The following ADCY9 variants were observed in gnomAD, a reference collection of about 807,000 sequenced individuals.
ADCY9 encodes adenylate cyclase 9, also known as adenylate cyclase type 9.
ADCY9 carries 50 observed loss-of-function variants against 101.5 expected under a neutral mutation model. The ratio of observed to expected loss-of-function variants is 0.49; its 90% CI spans 0.39 to 0.62. The LOEUF is 0.62. Among genes scored for constraint, ADCY9 ranks in the 20% least tolerant of loss-of-function variants. The probability of loss-of-function intolerance (pLI) is 0.00; values close to 1 mark genes in which losing one functional copy is unlikely to be tolerated. For missense variants in ADCY9, 1,662 were observed against 1,800.4 expected (o/e 0.92, Z 1.39); for synonymous variants, 905 against 769.3 (o/e 1.18, Z -2.92).
At chr16:4,031,130 T>C (rs1253481838) in intron 2 of ADCY9, among the ~76,000 whole-genome samples, 1 of 152,202 alleles carries the variant, frequency 6.6e-6, no homozygotes, top group Admixed American at 6.5e-5. Context: ...TAAAGGATAC[T>C]GTTAGATGCT....
At chr16:4,046,896 G>C (rs528469949) in intron 2 of ADCY9, among the ~76,000 whole-genome samples, 3 of 152,036 alleles carry the variant, frequency 2.0e-5, no homozygotes, top group African/African-American at 7.2e-5. Flanking sequence ...TGCAGTCCCA[G>C]CTACTTGGGA....
chr16:4,065,219 G>T (rs1384989682), intron 2 of ADCY9, among the ~76,000 whole-genome samples: 2 of 152,158 alleles, frequency 1.3e-5, no homozygotes, highest in Admixed American at 6.5e-5. Flanking sequence ...GGTGCTCTAA[G>T]ATCAAAGCAC....
intron 2 of ADCY9, among the ~76,000 whole-genome samples, chr16:4,103,156 TA>T (rs1236241468): frequency 6.6e-6 from 1 of 152,232 alleles, no homozygotes; most frequent in Non-Finnish European, 1.5e-5. Context: ...AGGCAATATG[TA>T]ATGGGTGTGA....
At chr16:4,021,603 TG>T (rs2056477555) in intron 2 of ADCY9, among the ~76,000 whole-genome samples, 1 of 152,240 alleles carries the variant, frequency 6.6e-6, no homozygotes, top group Non-Finnish European at 1.5e-5. Context: ...CCCCTGCTTC[TG>T]GGCTCCACCA....
intron 2 of ADCY9, among the ~76,000 whole-genome samples, chr16:4,038,527 G>A (rs929303747): frequency 2.0e-5 from 3 of 152,100 alleles, no homozygotes; most frequent in Non-Finnish European, 2.9e-5. Context: ...AGAACTGTAA[G>A]AAATAAATTT....
intron 4 of ADCY9, among the ~76,000 whole-genome samples, chr16:3,993,184 G>A (rs1007960552): frequency 3.9e-5 from 6 of 152,074 alleles, no homozygotes; most frequent in Non-Finnish European, 8.8e-5. Context: ...AAGGAATCCC[G>A]CCCAGCTCAG....
chr16:3,996,831 C>T (rs1043894359), intron 3 of ADCY9, among the ~76,000 whole-genome samples: 1 of 152,086 alleles, frequency 6.6e-6, no homozygotes, highest in African/African-American at 2.4e-5. Flanking sequence ...TTTTTCTTGC[C>T]TCAAGTTCAT....
intron 2 of ADCY9, among the ~76,000 whole-genome samples, chr16:4,035,785 G>A (rs933214369): frequency 1.3e-5 from 2 of 151,952 alleles, no homozygotes; most frequent in African/African-American, 4.8e-5. Flanking sequence ...GATCACCTGA[G>A]GTCGGGAGTT....
intron 6 of ADCY9, chr16:3,984,225 AGCAATGT>A (rs1303139441): frequency 6.6e-6 from 1 of 152,196 alleles, no homozygotes; most frequent in Non-Finnish European, 1.5e-5. Flanking sequence ...GTTGGACGAG[AGCAATGT>A]GCAGGGCGGT....
chr16:4,062,139 C>T (rs774194860), intron 2 of ADCY9, among the ~76,000 whole-genome samples: 2 of 152,072 alleles, frequency 1.3e-5, no homozygotes, highest in African/African-American at 2.4e-5. Flanking sequence ...GGCAACATGG[C>T]AAAACCCCAT....
intron 6 of ADCY9, among the ~76,000 whole-genome samples, chr16:3,984,380 T>C (rs770442782): frequency 2.0e-5 from 3 of 152,050 alleles, no homozygotes; most frequent in African/African-American, 4.8e-5. Flanking sequence ...GCCAGTACAC[T>C]AGAGAGGCAC....
At chr16:4,016,500 C>T (rs777294537) in intron 2 of ADCY9, among the ~76,000 whole-genome samples, 2 of 152,106 alleles carry the variant, frequency 1.3e-5, no homozygotes, top group South Asian at 2.1e-4. Flanking sequence ...GGTCCCAGAC[C>T]GTGTTCTTGT....
intron 2 of ADCY9, among the ~76,000 whole-genome samples, chr16:4,031,237 G>A (rs1345893828): frequency 1.3e-5 from 2 of 152,204 alleles, no homozygotes; most frequent in Admixed American, 1.3e-4. Context: ...ACAGGAGAAT[G>A]TCCTTGTTCA....
rs965839797 is a variant in ADCY9 at position 3,970,480 on chromosome 16, C to T, written c.2871-3514G>A. On this transcript the variant is annotated intron_variant, in intron 10 of 10. Transcript: ENST00000294016. The stretch of plus-strand genomic sequence containing the variant: ...TAGCTGGGACTACAGGTGTGCGCCA[C>T]CATACTTGGCTAATTTTTGTATTTT... 1.6e-4 allele frequency among the ~76,000 whole-genome samples: 25 copies of T among 152,252 alleles called. 1 individual carries two copies. The highest frequency in any genetic ancestry group is 3.1e-4 in the African/African-American group (13 of 41,540).
chr16:3,987,817 G>A (rs1410946250), intron 6 of ADCY9, among the ~76,000 whole-genome samples: 1 of 152,186 alleles, frequency 6.6e-6, no homozygotes, highest in Non-Finnish European at 1.5e-5. Context: ...TCCGGGTGGG[G>A]AGGGCATCCA....
chr16:4,043,065 A>T (rs2056638282), intron 2 of ADCY9, among the ~76,000 whole-genome samples: 1 of 151,928 alleles, frequency 6.6e-6, no homozygotes, highest in African/African-American at 2.4e-5. Flanking sequence ...CCTCATCTCT[A>T]CTAAAAATAC....
Position 4,061,897 on chromosome 16 carries a change from T to C in ADCY9, c.1693+51853A>G, listed in dbSNP as rs534153313. Among the ~76,000 whole-genome samples, 43 of 152,380 alleles carry C rather than the reference T, an allele frequency of 2.8e-4. No individual in the cohort carries two copies. In the South Asian group the frequency reaches 8.7e-3, roughly 31 times the overall value. ...TATAACAATAACTACAGACTTTTAC[T>C]ACTGGGCTTATGACATACAAAGATA... On this transcript the variant is annotated intron_variant, in intron 2 of 10. Coordinates refer to ENST00000294016, the MANE Select transcript of ADCY9 (RefSeq NM_001116.4).
At chr16:3,967,113 C>T (rs2056006119) in intron 10 of ADCY9, 147 bp from the exon 11 acceptor site, 3 of 663,028 alleles carry the variant, frequency 4.5e-6, no homozygotes, top group Non-Finnish European at 7.9e-6. Flanking sequence ...TTTGGGCTGG[C>T]TGAAGGTATG....
chr16:4,007,141 T>C (rs916530059), intron 3 of ADCY9, among the ~76,000 whole-genome samples: 3 of 152,122 alleles, frequency 2.0e-5, no homozygotes, highest in Non-Finnish European at 2.9e-5. Flanking sequence ...AGAAGCATCC[T>C]TGTGCAATGG....
Sources: allele counts gnomAD v4.1 joint callset (sites outside exome capture counted in the v4.1 genomes callset), GRCh38; gene constraint gnomAD v4.1.1; transcripts MANE v1.5; gene names NCBI Gene and HGNC (gene_info 2026-07-23, HGNC 2026-07-21).